OGFOD1: variants seen among roughly 807,000 people sequenced by gnomAD.
The protein encoded by OGFOD1 is prolyl 3-hydroxylase OGFOD1.
OGFOD1 carries 54 observed loss-of-function variants against 67.7 expected under a neutral mutation model. The ratio of observed to expected loss-of-function variants is 0.80; its 90% CI spans 0.64 to 1.00. The LOEUF (loss-of-function observed/expected upper bound fraction) is 1.00, where lower values mean the gene tolerates loss of function less well. OGFOD1 is among the 50% of genes least tolerant of loss of function. The pLI is 0.00. For missense variants in OGFOD1, 606 were observed against 646.7 expected (o/e 0.94, Z 0.68); for synonymous variants, 221 against 227.0 (o/e 0.97, Z 0.24).
chr16:56,474,115 G>T (rs1199668071), intron 10 of OGFOD1, among the ~76,000 whole-genome samples: 2 of 151,874 alleles, frequency 1.3e-5, no homozygotes, highest in African/African-American at 4.8e-5. Flanking sequence ...TTTTAATTTT[G>T]TTCAGCATGG....
At chr16:56,458,424 G>C (rs1439613612) in intron 2 of OGFOD1, 124 bp from the exon 3 acceptor site, 3 of 826,880 alleles carry the variant, frequency 3.6e-6, no homozygotes, top group East Asian at 2.5e-5. Context: ...AACCTAAGCA[G>C]CCTGGCTTCA....
rs183847066 is a variant in OGFOD1 at position 56,452,556 on chromosome 16, C to A, written c.155-707C>A. Among the ~76,000 whole-genome samples, 264 of 152,264 alleles carry A rather than the reference C, an allele frequency of 1.7e-3. 1 individual carries two copies. Among genetic ancestry groups the A allele is most frequent in the Middle Eastern group, 3.4e-3 (1 of 292 alleles). ...TGTCAAGTGCTTTGAAGAGGTGAGTCCTGGGTAGGCTGGATGCCTATAGAA... is the reference window on the plus strand; with the variant it reads ...TGTCAAGTGCTTTGAAGAGGTGAGTACTGGGTAGGCTGGATGCCTATAGAA... On this transcript the variant is annotated intron_variant, in intron 1 of 12. Transcript: ENST00000566157.
At chr16:56,464,803 G>A (rs1962839927) in intron 4 of OGFOD1, among the ~76,000 whole-genome samples, 1 of 151,958 alleles carries the variant, frequency 6.6e-6, no homozygotes, top group Non-Finnish European at 1.5e-5. Context: ...ATGACCTGGA[G>A]TTGGCCATTC....
chr16:56,467,563 C>T (rs1383834593), intron 7 of OGFOD1, among the ~76,000 whole-genome samples: 4 of 151,614 alleles, frequency 2.6e-5, no homozygotes, highest in Non-Finnish European at 5.9e-5. Context: ...AGTAGCTGGG[C>T]TTACAGGTGC....
intron 3 of OGFOD1, chr16:56,458,916 C>G (rs1270616081): frequency 2.4e-5 from 8 of 339,018 alleles, no homozygotes; most frequent in Admixed American, 1.4e-4. Context: ...AAATAAAAAC[C>G]CTAGTGTTGA....
At chr16:56,469,567 A>G (rs1223485956) in intron 8 of OGFOD1, among the ~76,000 whole-genome samples, 3 of 152,126 alleles carry the variant, frequency 2.0e-5, no homozygotes, top group Non-Finnish European at 4.4e-5. Context: ...GAAAGGAGTG[A>G]GAGTCGGCCA....
intron 7 of OGFOD1, among the ~76,000 whole-genome samples, 155 bp downstream of exon 7, chr16:56,467,448 A>T (rs1962953307): frequency 7.3e-6 from 1 of 137,784 alleles, no homozygotes; most frequent in African/African-American, 2.8e-5. Flanking sequence ...TTTTTTTGAG[A>T]CAGAGTCTTG....
chr16:56,463,384 G>GTTTTTTTTTTTTTTTTTTTTT (rs56388148), intron 4 of OGFOD1, among the ~76,000 whole-genome samples: 4 of 43,808 alleles, frequency 9.1e-5, no homozygotes, highest in Admixed American at 3.4e-4. Flanking sequence ...TCTTTTTTGG[G>GTTTTTTTTTTTTTTTTTTTTT]TTTTTTTTTT....
rs1475584705 is a variant in OGFOD1 at position 56,454,583 on chromosome 16, TG to T, written c.300+1180del. On this transcript the variant is annotated intron_variant, in intron 2 of 12. Coordinates refer to ENST00000566157, the MANE Select transcript of OGFOD1 (RefSeq NM_018233.4). Reference sequence around the variant, plus strand: ...ATACAGGTCATTGGTTTCCCCAGTTTGGGGGTATATCTTTCAGTACATGAAT... The same window carrying T: ...ATACAGGTCATTGGTTTCCCCAGTTTGGGGTATATCTTTCAGTACATGAAT... Among the ~76,000 whole-genome samples the T allele has an allele frequency of 2.0e-5, 3 of 151,636 alleles. No homozygotes were observed. In the East Asian group the frequency reaches 5.8e-4, roughly 29 times the overall value.
chr16:56,471,359 C>G (rs1247113655), intron 10 of OGFOD1, among the ~76,000 whole-genome samples: 16 of 145,758 alleles, frequency 1.1e-4, no homozygotes, highest in African/African-American at 3.8e-4. Context: ...GAGACTACAT[C>G]TCAAAGAAAA....
At chr16:56,470,925 C>A in intron 10 of OGFOD1, 134 bp downstream of exon 10, 1 of 847,880 alleles carries the variant, frequency 1.2e-6, no homozygotes, top group Non-Finnish European at 1.8e-6. Flanking sequence ...ACAAAACAGA[C>A]AAGGTCTCTG....
At chr16:56,456,297 C>T (rs1962520319) in intron 2 of OGFOD1, among the ~76,000 whole-genome samples, 1 of 152,184 alleles carries the variant, frequency 6.6e-6, no homozygotes, top group South Asian at 2.1e-4. Flanking sequence ...CACCTGACTT[C>T]TTAATGATAG....
At chr16:56,463,291 AGATGGCTCACAACTTT>A (rs1291635161) in intron 4 of OGFOD1, among the ~76,000 whole-genome samples, 2 of 150,648 alleles carry the variant, frequency 1.3e-5, no homozygotes, top group Non-Finnish European at 3.0e-5. Flanking sequence ...CTGGAAGTAT[AGATGGCTCACAACTTT>A]TAGAGGATGA....
chr16:56,451,756 G>T lies in OGFOD1; in HGVS notation c.144G>T (p.Pro48=). ...QVAEAWSRRT[P]FSHEVIVMDM... Reference sequence around the variant, plus strand: ...CTGAGGCCTGGAGCCGCAGGACGCCGTTCAGTCACGGTAACCGGGTGCTCT... The same window carrying T: ...CTGAGGCCTGGAGCCGCAGGACGCCTTTCAGTCACGGTAACCGGGTGCTCT... Residue 48 remains proline (P), a synonymous_variant, in exon 1 of 13, where the codon CCG becomes CCT. Transcript: ENST00000566157. 6.2e-7 allele frequency: 1 copy of T among 1,612,572 alleles called. No homozygotes were observed. Among genetic ancestry groups the T allele is most frequent in the Non-Finnish European group, 8.5e-7 (1 of 1,179,876 alleles).
intron 2 of OGFOD1, 121 bp downstream of exon 2, chr16:56,453,529 C>A: frequency 1.1e-6 from 1 of 910,458 alleles, no homozygotes; most frequent in Non-Finnish European, 1.7e-6. Context: ...CTTGCATTGA[C>A]ATTCTTAAGA....
At position 56,477,111 on chromosome 16, in the gene OGFOD1, A is replaced by G. The variant is rs1362596387; in HGVS notation, c.*906A>G. On this transcript the variant is annotated 3_prime_UTR_variant, in exon 13 of 13. Transcript: ENST00000566157. Reference sequence around the variant, plus strand: ...GCCACTGCACTCCAGCCTGGGCAACAAGAGTGAAACTCTGTCTCAAAAAAA... The same window carrying G: ...GCCACTGCACTCCAGCCTGGGCAACGAGAGTGAAACTCTGTCTCAAAAAAA... The G allele has an allele frequency of 1.3e-5, 2 of 152,212 alleles. No individual in the cohort carries two copies. The highest frequency in any genetic ancestry group is 2.9e-5 in the Non-Finnish European group (2 of 68,054). 9.4% of individuals were successfully genotyped at this position (152,212 alleles called of 1,614,324 possible).
At chr16:56,461,087 CT>C (rs1962695806) in intron 3 of OGFOD1, among the ~76,000 whole-genome samples, 1 of 152,200 alleles carries the variant, frequency 6.6e-6, no homozygotes, top group South Asian at 2.1e-4. Context: ...TTGTTTTAAT[CT>C]TCTAAAACAG....
intron 4 of OGFOD1, 92 bp downstream of exon 4, chr16:56,462,726 CTGAA>C (rs1449600622): frequency 9.5e-6 from 7 of 736,834 alleles, no homozygotes; most frequent in Non-Finnish European, 1.6e-5. Context: ...AAACACTCAA[CTGAA>C]TGTCCCTGCA....
In OGFOD1 at chr16:56,463,399, T is replaced by G. The variant is rs536491088; in HGVS notation, c.448+765T>G. On this transcript the variant is annotated intron_variant, in intron 4 of 12. Coordinates refer to ENST00000566157, the MANE Select transcript of OGFOD1 (RefSeq NM_018233.4). ...TCTTTTTTGGGTTTTTTTTTTTTTT[T>G]TTTTTTTTTTTTTTTGGTTTGTTGG... Among the ~76,000 whole-genome samples the G allele has an allele frequency of 2.8e-3, 380 of 134,832 alleles. 2 individuals are homozygous for G. Among genetic ancestry groups the G allele is most frequent in the Non-Finnish European group, 4.2e-3 (267 of 63,114 alleles). The allele number at this position is 134,832 out of a possible 152,430, so 88.5% of individuals were successfully genotyped here. A position where few individuals can be genotyped will look rare whatever the true frequency, so the allele number is the denominator to read the frequency against.
Sources: gnomAD v4.1 joint callset for allele counts (sites outside exome capture counted in the v4.1 genomes callset) on GRCh38, gnomAD v4.1.1 for gene constraint, MANE v1.5 for transcripts, NCBI Gene and HGNC (gene_info 2026-07-23, HGNC 2026-07-21) for gene names.